The following RGS7 variants were observed in gnomAD, a reference collection of about 807,000 sequenced individuals.
The protein encoded by RGS7 is regulator of G protein signaling 7, also known as regulator of G-protein signaling 7.
Under a neutral mutation model 81.1 loss-of-function variants are expected in RGS7, and 27 were observed. The observed-to-expected ratio is 0.33, with a 90% confidence interval of 0.25 to 0.46. The LOEUF is 0.46. RGS7 is among the 20% of genes least tolerant of loss of function. RGS7 has a pLI of 1.00. For synonymous variants in RGS7, 208 were observed against 207.7 expected, an observed-to-expected ratio of 1.00 and a Z score of -0.01; for missense variants, 396 against 607.4, an observed-to-expected ratio of 0.65 and a Z score of 3.66.
At chr1:241,239,611 T>C (rs890287391) in intron 2 of RGS7, among the ~76,000 whole-genome samples, 2 of 152,152 alleles carry the variant, frequency 1.3e-5, no homozygotes, top group African/African-American at 4.8e-5. Flanking sequence ...TTGTGTGCCT[T>C]CATCTTTTTT....
intron 2 of RGS7, among the ~76,000 whole-genome samples, chr1:241,223,525 C>A (rs2075134115): frequency 6.6e-6 from 1 of 151,808 alleles, no homozygotes; most frequent in South Asian, 2.1e-4. Context: ...GCCTGGCAAG[C>A]ACGAATAAGT....
intron 4 of RGS7, among the ~76,000 whole-genome samples, chr1:240,947,194 C>T (rs1175255893): frequency 6.6e-6 from 1 of 152,038 alleles, no homozygotes. Context: ...GCCCTGGCCC[C>T]GTTGCATCTT....
At chr1:240,987,529 C>CTTTTTTTTT (rs541070675) in intron 3 of RGS7, among the ~76,000 whole-genome samples, 1 of 140,878 alleles carries the variant, frequency 7.1e-6, no homozygotes, top group Non-Finnish European at 1.6e-5. Context: ...AACTATTCTT[C>CTTTTTTTTT]TTTTTTTTTT....
intron 2 of RGS7, among the ~76,000 whole-genome samples, chr1:241,348,489 T>A (rs1414886123): frequency 1.3e-5 from 2 of 152,164 alleles, no homozygotes; most frequent in Admixed American, 1.3e-4. Context: ...AAACACAAAG[T>A]CTTAGTGGAT....
chr1:240,900,420 T>C (rs1461672502), intron 6 of RGS7, among the ~76,000 whole-genome samples: 1 of 152,204 alleles, frequency 6.6e-6, no homozygotes, highest in Non-Finnish European at 1.5e-5. Flanking sequence ...CCCATCTTTG[T>C]GGTTTTATCT....
At chr1:241,202,251 G>C (rs775169552) in intron 2 of RGS7, among the ~76,000 whole-genome samples, 4 of 152,100 alleles carry the variant, frequency 2.6e-5, no homozygotes, top group Non-Finnish European at 5.9e-5. Context: ...ATCAGTTGTA[G>C]CATTTACTAG....
At chr1:240,881,839 G>A (rs1666440978) in intron 6 of RGS7, among the ~76,000 whole-genome samples, 1 of 151,960 alleles carries the variant, frequency 6.6e-6, no homozygotes, top group South Asian at 2.1e-4. Flanking sequence ...CTACTATATG[G>A]GATCATATAC....
At chr1:240,895,075 A>C (rs1668832284) in intron 6 of RGS7, among the ~76,000 whole-genome samples, 1 of 151,844 alleles carries the variant, frequency 6.6e-6, no homozygotes, top group South Asian at 2.1e-4. Flanking sequence ...GGTCATCTAA[A>C]AGTGTGTGGC....
chr1:240,949,847 C>A (rs1174150901), intron 4 of RGS7, among the ~76,000 whole-genome samples: 1,487 of 91,866 alleles, frequency 0.016, no homozygotes, highest in Middle Eastern at 0.024. Flanking sequence ...GACTCTGACT[C>A]AAAAAAAAAA....
intron 2 of RGS7, among the ~76,000 whole-genome samples, chr1:241,336,494 T>C (rs920379861): frequency 1.3e-5 from 2 of 152,190 alleles, no homozygotes; most frequent in Non-Finnish European, 2.9e-5. Flanking sequence ...GCAGAAACCC[T>C]AGGACAGGAT....
chr1:241,138,177 C>CA (rs57697166), intron 2 of RGS7, among the ~76,000 whole-genome samples: 2,026 of 115,390 alleles, frequency 0.018, 89 homozygotes, highest in Admixed American at 0.11. Flanking sequence ...ATCTCAAAAA[C>CA]AAAAAAAAAA....
rs756459655 is a variant in RGS7, at chr1:240,813,689, C to T, written c.885G>A (p.Pro295=). 2.1e-5 allele frequency: 34 copies of T among 1,613,492 alleles called. No homozygotes were observed. Among genetic ancestry groups the T allele is most frequent in the Middle Eastern group, 1.6e-4 (1 of 6,084 alleles). Residue 295 remains proline, a synonymous_variant, in exon 13 of 19, where the codon CCG becomes CCA. Coordinates refer to ENST00000440928, the MANE Select transcript of RGS7 (RefSeq NM_001364886.1). ...SYTEQYLEYD[P]FLLPPDPSNP... is the part of the protein sequence containing the mutation. ...TAGAAGGGTCAGGTGGCAAAAGAAA[C>T]GGGTCGTATTCTAAATACTGTTCCG...
At position 241,309,386 on chromosome 1, in the gene RGS7, CAAAAA is replaced by C. The variant is rs71571833; in HGVS notation, c.78+46308_78+46312del. On this transcript the variant is annotated intron_variant, in intron 2 of 18. Transcript: ENST00000440928. ...GGGCAACAAGAGCGAAACTCCAACT[CAAAAA>C]AAAAAAAAAAAAAGGAAAAAGAAAA... Among the ~76,000 whole-genome samples the C allele has an allele frequency of 9.0e-4, 77 of 85,264 alleles. 1 individual carries two copies. Among genetic ancestry groups the C allele is most frequent in the African/African-American group, 3.0e-3 (66 of 21,686 alleles). The allele number at this position is 85,264 out of a possible 152,430, so 55.9% of individuals were successfully genotyped here.
At chr1:240,981,155 G>C (rs1010605468) in intron 4 of RGS7, among the ~76,000 whole-genome samples, 1 of 152,038 alleles carries the variant, frequency 6.6e-6, no homozygotes, top group African/African-American at 2.4e-5. Flanking sequence ...TGTCACCCAG[G>C]CTGGAGTGCA....
intron 18 of RGS7, among the ~76,000 whole-genome samples, chr1:240,787,889 T>C (rs951363988): frequency 6.6e-6 from 1 of 152,174 alleles, no homozygotes; most frequent in African/African-American, 2.4e-5. Context: ...CCAAATGACA[T>C]TACATGTTGC....
chr1:241,280,287 C>T (rs1488076129), intron 2 of RGS7, among the ~76,000 whole-genome samples: 2 of 152,150 alleles, frequency 1.3e-5, no homozygotes, highest in African/African-American at 2.4e-5. Context: ...CCGTGATTGC[C>T]GGATCCCTCC....
rs999308334 is a variant in RGS7 at position 241,144,876 on chromosome 1, G to T, written c.79-46114C>A. ...GCCTTTTCTTTCTTAAAATCTTAAC[G>T]TCCCAAAGGAACAACTGATGTGAGT... On this transcript the variant is annotated intron_variant, in intron 2 of 18. Coordinates refer to ENST00000440928, the MANE Select transcript of RGS7 (RefSeq NM_001364886.1). The surrounding 1 kb of genome is among the most constrained non-coding windows in gnomAD (Gnocchi z 4.7). Among the ~76,000 whole-genome samples the T allele has an allele frequency of 6.6e-6, 1 of 151,110 alleles. No homozygotes were observed. Among genetic ancestry groups the T allele is most frequent in the African/African-American group, 2.4e-5 (1 of 40,900 alleles).
chr1:240,928,944 T>A (rs946738604), intron 6 of RGS7, among the ~76,000 whole-genome samples: 1 of 152,190 alleles, frequency 6.6e-6, no homozygotes, highest in African/African-American at 2.4e-5. Context: ...AAAGAGGCAG[T>A]GTATCTGCCA....
intron 2 of RGS7, among the ~76,000 whole-genome samples, chr1:241,299,089 C>T (rs1174494801): frequency 6.6e-6 from 1 of 152,190 alleles, no homozygotes; most frequent in African/African-American, 2.4e-5. Context: ...AGGAACTCTG[C>T]TCACCCACTT....
Sources: allele counts gnomAD v4.1 joint callset (sites outside exome capture counted in the v4.1 genomes callset), GRCh38; gene constraint gnomAD v4.1.1; non-coding constraint Gnocchi (gnomAD v3.1); transcripts MANE v1.5; gene names NCBI Gene and HGNC (gene_info 2026-07-23, HGNC 2026-07-21).